Variants in MAD1L1 observed in about 807,000 individuals in gnomAD.
The protein encoded by MAD1L1 is mitotic spindle assembly checkpoint protein MAD1.
A neutral mutation model predicts 96.9 loss-of-function variants in MAD1L1; 95 were observed. The observed-to-expected ratio is 0.98, with a 90% CI of 0.83 to 1.16. The LOEUF is 1.16. Ranked by LOEUF, MAD1L1 falls within the 50% of genes most tolerant of loss-of-function variation. The probability of loss-of-function intolerance (pLI) is 0.00; values close to 1 mark genes in which losing one functional copy is unlikely to be tolerated. For synonymous variants in MAD1L1, 473 were observed against 396.6 expected (o/e 1.19, Z -2.29); for missense variants, 1,007 against 954.4 (o/e 1.06, Z -0.73).
intron 11 of MAD1L1, among the ~76,000 whole-genome samples, chr7:2,118,750 C>T (rs939912606): frequency 2.0e-4 from 30 of 152,186 alleles, no homozygotes; most frequent in African/African-American, 5.8e-4. Context: ...GTCTTCCTTC[C>T]GGATAAGGGG....
chr7:2,188,043 C>A (rs1244913767), intron 10 of MAD1L1, among the ~76,000 whole-genome samples: 2 of 152,150 alleles, frequency 1.3e-5, no homozygotes, highest in Admixed American at 6.5e-5. Context: ...CTTGTAATTT[C>A]TTTAATAAGG....
At chr7:2,168,262 G>C (rs1351087765) in intron 10 of MAD1L1, among the ~76,000 whole-genome samples, 1 of 152,000 alleles carries the variant, frequency 6.6e-6, no homozygotes, top group East Asian at 1.9e-4. Flanking sequence ...TCCAACCTGG[G>C]TGACAGAGCG....
At chr7:1,986,360 TCCAGCTTGGAACCACAC>T (rs1322781942) in intron 14 of MAD1L1, among the ~76,000 whole-genome samples, 6 of 151,748 alleles carry the variant, frequency 4.0e-5, no homozygotes, top group Admixed American at 1.3e-4. Flanking sequence ...CACACGCCAG[TCCAGCTTGGAACCACAC>T]GCCAGTCCAG....
intron 10 of MAD1L1, among the ~76,000 whole-genome samples, chr7:2,165,203 CAA>C (rs1254223969): frequency 7.9e-6 from 1 of 126,570 alleles, no homozygotes; most frequent in Non-Finnish European, 1.7e-5. Flanking sequence ...GACTCCATCT[CAA>C]AAAAAAAAAG....
chr7:2,061,778 G>A (rs1361019683), intron 12 of MAD1L1, among the ~76,000 whole-genome samples: 1 of 152,260 alleles, frequency 6.6e-6, no homozygotes, highest in Non-Finnish European at 1.5e-5. Context: ...ACAGCCAAGT[G>A]TATTTTAAAA....
intron 17 of MAD1L1, among the ~76,000 whole-genome samples, chr7:1,929,197 T>G (rs1789282522): frequency 6.6e-6 from 1 of 151,326 alleles, no homozygotes; most frequent in South Asian, 2.1e-4. Flanking sequence ...TCCTCCCTTC[T>G]CCTCCCTGGT....
intron 11 of MAD1L1, among the ~76,000 whole-genome samples, chr7:2,138,065 G>A (rs1486193321): frequency 6.6e-6 from 1 of 152,238 alleles, no homozygotes; most frequent in Non-Finnish European, 1.5e-5. Flanking sequence ...AGAGCTGTGA[G>A]TCCCAGGCCC....
chr7:1,910,371 G>A (rs894543927), intron 17 of MAD1L1, among the ~76,000 whole-genome samples: 3 of 152,212 alleles, frequency 2.0e-5, no homozygotes, highest in Non-Finnish European at 4.4e-5. Context: ...CCAGCTCCAC[G>A]GTCTCTGGCC....
At chr7:2,174,445 T>G (rs1035654843) in intron 10 of MAD1L1, among the ~76,000 whole-genome samples, 1 of 152,220 alleles carries the variant, frequency 6.6e-6, no homozygotes, top group African/African-American at 2.4e-5. Flanking sequence ...GACTGGGTAC[T>G]TGGTGGCTCC....
At chr7:1,858,825 C>G (rs181731266) in intron 18 of MAD1L1, among the ~76,000 whole-genome samples, 1 of 152,238 alleles carries the variant, frequency 6.6e-6, no homozygotes, top group Admixed American at 6.5e-5. Flanking sequence ...TTCACGAGCA[C>G]GGGCAGTCAG....
chr7:1,871,628 C>T (rs1210960918), intron 18 of MAD1L1, among the ~76,000 whole-genome samples: 2 of 149,976 alleles, frequency 1.3e-5, no homozygotes, highest in Non-Finnish European at 3.0e-5. Context: ...ACGCCTGCCA[C>T]ACTGAACCCA....
intron 11 of MAD1L1, among the ~76,000 whole-genome samples, chr7:2,079,112 G>C (rs1277605655): frequency 1.2e-4 from 19 of 152,242 alleles, no homozygotes; most frequent in Admixed American, 1.2e-3. Context: ...CACGTGGCCA[G>C]CTCAGCCCCC....
At chr7:1,853,613 G>T (rs1784091211) in intron 18 of MAD1L1, among the ~76,000 whole-genome samples, 1 of 152,098 alleles carries the variant, frequency 6.6e-6, no homozygotes. Context: ...CTGATCACCA[G>T]CTCAGAAACA....
chr7:2,188,021 T>G (rs927738641), intron 10 of MAD1L1, among the ~76,000 whole-genome samples: 6 of 152,228 alleles, frequency 3.9e-5, no homozygotes, highest in African/African-American at 1.4e-4. Flanking sequence ...TTCAATAACT[T>G]GTGGTGATTA....
intron 17 of MAD1L1, among the ~76,000 whole-genome samples, chr7:1,928,887 C>A (rs1010881471): frequency 6.6e-6 from 1 of 152,188 alleles, no homozygotes; most frequent in Non-Finnish European, 1.5e-5. Context: ...GTCCACGGAG[C>A]AGCCATTAGG....
At chr7:1,862,701 A>G (rs1784590315) in intron 18 of MAD1L1, among the ~76,000 whole-genome samples, 1 of 152,148 alleles carries the variant, frequency 6.6e-6, no homozygotes, top group African/African-American at 2.4e-5. Flanking sequence ...ATTTTCTTTA[A>G]CCCAACTTTC....
At chr7:1,983,701 A>G (rs143517707) in intron 14 of MAD1L1, among the ~76,000 whole-genome samples, 1 of 152,346 alleles carries the variant, frequency 6.6e-6, no homozygotes, top group East Asian at 1.9e-4. Flanking sequence ...CTACGTATCC[A>G]CCGTCCAGAT....
At chr7:2,015,054 G>A (rs375617640) in intron 12 of MAD1L1, among the ~76,000 whole-genome samples, 3 of 152,202 alleles carry the variant, frequency 2.0e-5, no homozygotes, top group South Asian at 4.1e-4. Context: ...TTGGGTCTGC[G>A]TGACTCCTCT....
At chr7:2,144,627 A>G (rs1789203319) in intron 11 of MAD1L1, among the ~76,000 whole-genome samples, 1 of 151,998 alleles carries the variant, frequency 6.6e-6, no homozygotes, top group South Asian at 2.1e-4. Context: ...AGAGCTGGGG[A>G]CGCCAGGCAG....
Sources: gnomAD v4.1 joint callset for allele counts (sites outside exome capture counted in the v4.1 genomes callset) on GRCh38, gnomAD v4.1.1 for gene constraint, MANE v1.5 for transcripts, NCBI Gene and HGNC (gene_info 2026-07-23, HGNC 2026-07-21) for gene names.